The following AGBL4 variants were observed in gnomAD, a reference collection of about 807,000 sequenced individuals.
The protein encoded by AGBL4 is cytosolic carboxypeptidase 6.
A neutral mutation model predicts 66.4 loss-of-function variants in AGBL4; 58 were observed. That is an observed-to-expected ratio of 0.87 (90% confidence interval 0.71 to 1.09). The LOEUF (loss-of-function observed/expected upper bound fraction) is 1.09, where lower values mean the gene tolerates loss of function less well. Among genes scored for constraint, AGBL4 ranks in the 50% least tolerant of loss-of-function variants. The probability of loss-of-function intolerance (pLI) is 0.00; values close to 1 mark genes in which losing one functional copy is unlikely to be tolerated. For missense variants in AGBL4, 579 were observed against 631.0 expected (o/e 0.92, Z 0.88); for synonymous variants, 234 against 222.9 (o/e 1.05, Z -0.44).
At chr1:48,725,560 C>G (rs956983280) in intron 6 of AGBL4, among the ~76,000 whole-genome samples, 1 of 152,160 alleles carries the variant, frequency 6.6e-6, no homozygotes, top group African/African-American at 2.4e-5. Flanking sequence ...CTAAACATGT[C>G]CTGAGATTAC....
intron 9 of AGBL4, among the ~76,000 whole-genome samples, chr1:48,608,039 G>A (rs1167761797): frequency 2.0e-5 from 3 of 152,192 alleles, no homozygotes; most frequent in African/African-American, 7.2e-5. Flanking sequence ...TACTGCTTCT[G>A]AAGGGGCATT....
chr1:49,524,592 G>T (rs1055621494), intron 3 of AGBL4, among the ~76,000 whole-genome samples: 3 of 152,042 alleles, frequency 2.0e-5, no homozygotes, highest in African/African-American at 7.2e-5. Flanking sequence ...CCTTAAATAA[G>T]GAGTCCACAT....
At chr1:48,618,283 G>C (rs145685904) in intron 9 of AGBL4, among the ~76,000 whole-genome samples, 1 of 152,310 alleles carries the variant, frequency 6.6e-6, no homozygotes, top group East Asian at 1.9e-4. Flanking sequence ...GTATGTGAAT[G>C]TGCTCTGAAA....
chr1:49,858,446 A>G (rs1646486673), intron 1 of AGBL4, among the ~76,000 whole-genome samples: 1 of 152,162 alleles, frequency 6.6e-6, no homozygotes. Context: ...AGATTACCAT[A>G]TTGGTTAAAA....
intron 9 of AGBL4, among the ~76,000 whole-genome samples, chr1:48,619,382 G>C (rs921333519): frequency 3.3e-5 from 5 of 152,106 alleles, no homozygotes; most frequent in African/African-American, 9.7e-5. Flanking sequence ...GTTAGGGGAG[G>C]GACATTCACG....
chr1:48,930,609 T>C (rs1310301872), intron 5 of AGBL4, among the ~76,000 whole-genome samples: 1 of 152,190 alleles, frequency 6.6e-6, no homozygotes, highest in East Asian at 1.9e-4. Flanking sequence ...GCAGATCCTC[T>C]TCCATTTCTG....
intron 4 of AGBL4, among the ~76,000 whole-genome samples, chr1:49,182,032 C>T (rs1234528610): frequency 6.6e-6 from 1 of 152,186 alleles, no homozygotes; most frequent in African/African-American, 2.4e-5. Flanking sequence ...AGGCATACGA[C>T]TAACTGCTCC....
At chr1:48,707,997 T>C (rs1225086346) in intron 6 of AGBL4, among the ~76,000 whole-genome samples, 1 of 152,208 alleles carries the variant, frequency 6.6e-6, no homozygotes, top group Non-Finnish European at 1.5e-5. Flanking sequence ...TTCCTACACA[T>C]TCACTCATTT....
intron 2 of AGBL4, among the ~76,000 whole-genome samples, chr1:49,745,422 A>T (rs1571467211): frequency 6.6e-6 from 1 of 152,114 alleles, no homozygotes; most frequent in Non-Finnish European, 1.5e-5. Flanking sequence ...TTAATCTCTT[A>T]CTGTGACAAA....
At chr1:48,917,122 A>G (rs576277723) in intron 5 of AGBL4, among the ~76,000 whole-genome samples, 1 of 152,224 alleles carries the variant, frequency 6.6e-6, no homozygotes, top group East Asian at 1.9e-4. Context: ...TAGTTTGGGA[A>G]AACGTATTTT....
intron 4 of AGBL4, among the ~76,000 whole-genome samples, chr1:49,073,009 G>A (rs1644639954): frequency 6.6e-6 from 1 of 151,982 alleles, no homozygotes; most frequent in South Asian, 2.1e-4. Context: ...TTCAGTCACT[G>A]ATATCCTTTC....
intron 3 of AGBL4, among the ~76,000 whole-genome samples, chr1:49,288,826 G>A (rs1301205121): frequency 6.6e-6 from 1 of 152,178 alleles, no homozygotes; most frequent in Non-Finnish European, 1.5e-5. Context: ...TGATATATTT[G>A]AAATTCAACC....
At chr1:48,893,324 G>C (rs1651156976) in intron 5 of AGBL4, among the ~76,000 whole-genome samples, 1 of 151,980 alleles carries the variant, frequency 6.6e-6, no homozygotes, top group East Asian at 1.9e-4. Context: ...TAGGAAGTGG[G>C]GCTTTGGGGA....
intron 3 of AGBL4, among the ~76,000 whole-genome samples, chr1:49,692,364 G>C (rs1003522880): frequency 6.6e-6 from 1 of 152,112 alleles, no homozygotes; most frequent in African/African-American, 2.4e-5. Flanking sequence ...GTGGACTGCT[G>C]ATTTTGACCA....
At chr1:48,961,155 A>G (rs549900045) in intron 5 of AGBL4, among the ~76,000 whole-genome samples, 1 of 152,110 alleles carries the variant, frequency 6.6e-6, no homozygotes, top group Non-Finnish European at 1.5e-5. Flanking sequence ...AGGGATGCCT[A>G]GAACACTGCA....
chr1:49,310,144 G>A (rs572966454), intron 3 of AGBL4, among the ~76,000 whole-genome samples: 1 of 152,110 alleles, frequency 6.6e-6, no homozygotes, highest in South Asian at 2.1e-4. Flanking sequence ...TGGCAGGATC[G>A]GGGTGAATGA....
At chr1:48,541,844 CT>C (rs930634971) in intron 11 of AGBL4, among the ~76,000 whole-genome samples, 9 of 151,648 alleles carry the variant, frequency 5.9e-5, no homozygotes, top group South Asian at 2.1e-4. Context: ...GCTAGGCAAT[CT>C]TTTTTTTTAT....
chr1:49,532,010 C>T (rs553995360), intron 3 of AGBL4, among the ~76,000 whole-genome samples: 9 of 152,194 alleles, frequency 5.9e-5, no homozygotes, highest in Admixed American at 5.9e-4. Flanking sequence ...TACGACTGCT[C>T]AGGAAAGCAA....
intron 4 of AGBL4, among the ~76,000 whole-genome samples, chr1:49,205,414 A>C (rs1648053361): frequency 6.6e-6 from 1 of 151,890 alleles, no homozygotes; most frequent in Non-Finnish European, 1.5e-5. Context: ...AAACACTTTG[A>C]CTCTGTAGAA....
Sources: allele counts gnomAD v4.1 joint callset (sites outside exome capture counted in the v4.1 genomes callset), GRCh38; gene constraint gnomAD v4.1.1; transcripts MANE v1.5; gene names NCBI Gene and HGNC (gene_info 2026-07-23, HGNC 2026-07-21).